NAPEPLD: variants seen among roughly 807,000 people sequenced by gnomAD.
NAPEPLD encodes the protein N-acyl phosphatidylethanolamine phospholipase D.
In NAPEPLD, 23 loss-of-function variants were observed where a neutral mutation model predicts 38.1. The ratio of observed to expected loss-of-function variants is 0.60; its 90% CI spans 0.43 to 0.86. The LOEUF is 0.86. NAPEPLD is among the 40% of genes least tolerant of loss of function. The pLI, the probability that NAPEPLD is intolerant of heterozygous loss-of-function variation, is 0.00. For missense variants in NAPEPLD, 411 were observed against 476.8 expected (o/e 0.86, Z 1.28); for synonymous variants, 147 against 162.0 (o/e 0.91, Z 0.71).
intron 2 of NAPEPLD, among the ~76,000 whole-genome samples, chr7:103,121,582 T>C (rs1243607275): frequency 6.6e-6 from 1 of 152,202 alleles, no homozygotes; most frequent in Non-Finnish European, 1.5e-5. Flanking sequence ...CTTTAGGAAG[T>C]TCAGAGGAAA....
Position 103,141,937 on chromosome 7 carries a change from C to A in NAPEPLD, c.-17+6874G>T, listed in dbSNP as rs541391067. ...GCCTCTTCTGAAGCCTGAGCATACT[C>A]AAGGCTGCAGCCACAGCAGCGAAAG... is the stretch of plus-strand genomic sequence containing the variant. On this transcript the variant is annotated intron_variant, in intron 1 of 4. Coordinates refer to ENST00000465647, the MANE Select transcript of NAPEPLD (RefSeq NM_001122838.3). 8.2e-5 allele frequency: 77 copies of A among 935,104 alleles called. No individual in the cohort carries two copies. In the African/African-American group the frequency reaches 9.8e-4, roughly 12 times the overall value. 57.9% of individuals were successfully genotyped at this position (935,104 alleles called of 1,614,324 possible).
At chr7:103,130,340 T>TA (rs1169087516) in intron 1 of NAPEPLD, among the ~76,000 whole-genome samples, 1 of 152,200 alleles carries the variant, frequency 6.6e-6, no homozygotes, top group Non-Finnish European at 1.5e-5. Context: ...TGACTAAAGC[T>TA]AAAGCACACG....
intron 3 of NAPEPLD, among the ~76,000 whole-genome samples, chr7:103,116,662 G>C (rs1805639114): frequency 1.3e-5 from 2 of 152,194 alleles, no homozygotes; most frequent in South Asian, 4.1e-4. Context: ...TGAGGTGTTT[G>C]GTTTGGCAAG....
At chr7:103,127,630 C>G (rs74662488) in intron 2 of NAPEPLD, 7,309 of 152,018 alleles carry the variant, frequency 0.048, 228 homozygotes, top group African/African-American at 0.08. Context: ...CACTGCTGAA[C>G]GACCACCTGA....
At chr7:103,113,418 G>C (rs908524219) in intron 4 of NAPEPLD, among the ~76,000 whole-genome samples, 1 of 152,118 alleles carries the variant, frequency 6.6e-6, no homozygotes, top group African/African-American at 2.4e-5. Context: ...CAGTGTATTA[G>C]GTAATTTTGG....
intron 1 of NAPEPLD, among the ~76,000 whole-genome samples, chr7:103,145,483 A>G (rs562923613): frequency 1.3e-5 from 2 of 152,246 alleles, no homozygotes; most frequent in Admixed American, 1.3e-4. Flanking sequence ...AAAGTATTTC[A>G]TATCTGTGAA....
chr7:103,133,431 T>C (rs996330704), intron 1 of NAPEPLD, among the ~76,000 whole-genome samples: 1 of 152,204 alleles, frequency 6.6e-6, no homozygotes, highest in Non-Finnish European at 1.5e-5. Flanking sequence ...GACTGGTTTT[T>C]CTGGAGGAAA....
At chr7:103,139,836 T>C (rs1194108316) in intron 1 of NAPEPLD, among the ~76,000 whole-genome samples, 1 of 152,164 alleles carries the variant, frequency 6.6e-6, no homozygotes, top group African/African-American at 2.4e-5. Context: ...GAGTCTTCTG[T>C]ACACTGTAAA....
At chr7:103,107,453 C>T (rs1027985953) in intron 4 of NAPEPLD, among the ~76,000 whole-genome samples, 2 of 152,066 alleles carry the variant, frequency 1.3e-5, no homozygotes, top group Middle Eastern at 3.4e-3. Flanking sequence ...CAAACCCCTC[C>T]GAGCTAAAGG....
Position 103,120,701 on chromosome 7 carries a change from C to CTTTTTTTTTTTTTTTTT in NAPEPLD, c.295-495_295-479dup, listed in dbSNP as rs869141133. 8.5e-5 allele frequency among the ~76,000 whole-genome samples: 7 copies of CTTTTTTTTTTTTTTTTT among 82,504 alleles called. 1 individual carries two copies. The highest frequency in any genetic ancestry group is 1.1e-4 in the Non-Finnish European group (5 of 46,744). The allele number at this position is 82,504 out of a possible 152,430, so 54.1% of individuals were successfully genotyped here. On this transcript the variant is annotated intron_variant, in intron 2 of 4. Transcript: ENST00000465647. The stretch of plus-strand genomic sequence containing the variant: ...CATGAATCATGAATCTGATATTTTT[C>CTTTTTTTTTTTTTTTTT]TTTTTTTTTTTTTTTTTTTTTTTTT...
intron 1 of NAPEPLD, chr7:103,141,309 T>C (rs1173544268): frequency 1.2e-5 from 6 of 521,634 alleles, no homozygotes; most frequent in African/African-American, 2.1e-5. Flanking sequence ...CTGATCTATG[T>C]AATCACGGAG....
At chr7:103,105,725 G>A (rs907689546) in intron 4 of NAPEPLD, among the ~76,000 whole-genome samples, 1 of 152,098 alleles carries the variant, frequency 6.6e-6, no homozygotes, top group African/African-American at 2.4e-5. Context: ...CTGAGGTCAG[G>A]AGTTTGAGAC....
Position 103,121,606 on chromosome 7 carries a change from T to A in NAPEPLD, c.295-1383A>T, listed in dbSNP as rs139701446. Among the ~76,000 whole-genome samples, 80 of 152,356 alleles carry A rather than the reference T, an allele frequency of 5.3e-4. 2 individuals carry two copies. In the East Asian group the frequency reaches 0.015, roughly 29 times the overall value. On this transcript the variant is annotated intron_variant, in intron 2 of 4. Coordinates refer to ENST00000465647, the MANE Select transcript of NAPEPLD (RefSeq NM_001122838.3). ...GTTCAGAGGAAAAGCTGAGGCCACC[T>A]GCAGCAACGTGCAGCACATGATGGA... is the stretch of plus-strand genomic sequence containing the variant.
rs147159139 is a variant in NAPEPLD, at chr7:103,140,068, T to C, written c.-17+8743A>G. Reference sequence around the variant, plus strand: ...ATTACCAGAAGATGGGGCAAAAGAATTGAAAACATCTTAAAATAAATGCTT... The same window carrying C: ...ATTACCAGAAGATGGGGCAAAAGAACTGAAAACATCTTAAAATAAATGCTT... On this transcript the variant is annotated intron_variant, in intron 1 of 4. Coordinates refer to ENST00000465647, the MANE Select transcript of NAPEPLD (RefSeq NM_001122838.3). Among the ~76,000 whole-genome samples, 444 of 152,284 alleles carry C rather than the reference T, an allele frequency of 2.9e-3. 2 individuals are homozygous for C. The highest frequency in any genetic ancestry group is 0.011 in the African/African-American group (437 of 41,546).
chr7:103,133,402 C>A (rs1191564561), intron 1 of NAPEPLD, among the ~76,000 whole-genome samples: 1 of 152,216 alleles, frequency 6.6e-6, no homozygotes, highest in African/African-American at 2.4e-5. Flanking sequence ...GCACGTAAAA[C>A]CTGAGCCTTG....
chr7:103,110,282 C>T (rs755112848), intron 4 of NAPEPLD, among the ~76,000 whole-genome samples: 5 of 152,152 alleles, frequency 3.3e-5, no homozygotes, highest in Middle Eastern at 3.4e-3. Context: ...AGAGACACAA[C>T]AAAAAAGAGA....
chr7:103,122,531 G>A (rs762404904), intron 2 of NAPEPLD, among the ~76,000 whole-genome samples: 11 of 152,260 alleles, frequency 7.2e-5, no homozygotes, highest in South Asian at 2.1e-4. Flanking sequence ...AGGAAGAGAA[G>A]GAGCAGCACA....
rs1289904483 is a variant in NAPEPLD at position 103,141,590 on chromosome 7, C to T, written c.-17+7221G>A. ...CAGGTACAGGCTGTGATACATGCGGCGATCAATCTTCTTAGATTCACGGTA... is the reference window on the plus strand; with the variant it reads ...CAGGTACAGGCTGTGATACATGCGGTGATCAATCTTCTTAGATTCACGGTA... On this transcript the variant is annotated intron_variant, in intron 1 of 4. Coordinates refer to ENST00000465647, the MANE Select transcript of NAPEPLD (RefSeq NM_001122838.3). 14 of 976,738 alleles carry T rather than the reference C, an allele frequency of 1.4e-5. 1 individual carries two copies. Among genetic ancestry groups the T allele is most frequent in the African/African-American group, 3.2e-5 (2 of 63,120 alleles). 60.5% of individuals were successfully genotyped at this position (976,738 alleles called of 1,614,324 possible).
At chr7:103,116,152 C>T (rs906650510) in intron 3 of NAPEPLD, among the ~76,000 whole-genome samples, 2 of 152,096 alleles carry the variant, frequency 1.3e-5, no homozygotes, top group Non-Finnish European at 2.9e-5. Context: ...ACCTCCGCCT[C>T]CTGGGTTCAA....
Sources: allele counts gnomAD v4.1 joint callset (sites outside exome capture counted in the v4.1 genomes callset), GRCh38; gene constraint gnomAD v4.1.1; transcripts MANE v1.5; gene names NCBI Gene and HGNC (gene_info 2026-07-23, HGNC 2026-07-21).